Variants in PPFIA2 observed in about 807,000 individuals in gnomAD.
PPFIA2 encodes liprin-alpha-2.
In PPFIA2, 46 loss-of-function variants were observed where a neutral mutation model predicts 175.5. The observed-to-expected ratio is 0.26, with a 90% confidence interval of 0.21 to 0.34. PPFIA2 has a LOEUF of 0.34. Among genes scored for constraint, PPFIA2 ranks in the 10% least tolerant of loss-of-function variants. The pLI is 1.00. For missense variants in PPFIA2, 1,179 were observed against 1,506.1 expected, an observed-to-expected ratio of 0.78 and a Z score of 3.60; for synonymous variants, 568 against 511.4, an observed-to-expected ratio of 1.11 and a Z score of -1.49.
intron 4 of PPFIA2, among the ~76,000 whole-genome samples, chr12:81,469,739 T>C (rs1165454136): frequency 6.6e-6 from 1 of 152,250 alleles, no homozygotes; most frequent in Non-Finnish European, 1.5e-5. Flanking sequence ...ATGCTATGAC[T>C]GAATTGTGTC....
chr12:81,389,023 C>A (rs1057340594), intron 8 of PPFIA2, among the ~76,000 whole-genome samples: 1 of 151,668 alleles, frequency 6.6e-6, no homozygotes, highest in South Asian at 2.1e-4. Flanking sequence ...CACACAGATT[C>A]GCTGTTCTGG....
At chr12:81,418,036 T>A (rs1044487116) in intron 7 of PPFIA2, among the ~76,000 whole-genome samples, 1 of 151,850 alleles carries the variant, frequency 6.6e-6, no homozygotes, top group Non-Finnish European at 1.5e-5. Context: ...AGTTTTACGT[T>A]GTTTGAATGT....
intron 30 of PPFIA2, among the ~76,000 whole-genome samples, chr12:81,264,618 G>A (rs2036640333): frequency 6.6e-6 from 1 of 152,098 alleles, no homozygotes; most frequent in South Asian, 2.1e-4. Context: ...TATAAGGTAG[G>A]CTTTGTAGAC....
At chr12:81,528,968 T>A (rs1431869584) in intron 4 of PPFIA2, among the ~76,000 whole-genome samples, 1 of 152,104 alleles carries the variant, frequency 6.6e-6, no homozygotes, top group Non-Finnish European at 1.5e-5. Flanking sequence ...CAGTAAAATG[T>A]ATCATATTCT....
chr12:81,646,488 AATAGTCTATTGCTAGGGAAGGC>A (rs1212689583), intron 4 of PPFIA2, among the ~76,000 whole-genome samples: 1 of 152,162 alleles, frequency 6.6e-6, no homozygotes, highest in Non-Finnish European at 1.5e-5. Flanking sequence ...AGGAAGCCAC[AATAGTCTATTGCTAGGGAAGGC>A]ACAGGAATGC....
intron 4 of PPFIA2, among the ~76,000 whole-genome samples, chr12:81,499,243 TG>T (rs2060341331): frequency 6.6e-6 from 1 of 152,242 alleles, no homozygotes; most frequent in Admixed American, 6.5e-5. Context: ...CTATCTTTTA[TG>T]ACCAACCACT....
At chr12:81,544,497 G>A (rs953320617) in intron 4 of PPFIA2, among the ~76,000 whole-genome samples, 2 of 152,104 alleles carry the variant, frequency 1.3e-5, no homozygotes, top group African/African-American at 4.8e-5. Flanking sequence ...TTCCGGCATA[G>A]CTTTTGAATG....
chr12:81,380,345 C>T (rs1310481452), intron 9 of PPFIA2, among the ~76,000 whole-genome samples: 1 of 151,940 alleles, frequency 6.6e-6, no homozygotes, highest in African/African-American at 2.4e-5. Context: ...GCCTGGACAA[C>T]AGAGCAAGAC....
chr12:81,677,211 ATT>A (rs201413128), intron 3 of PPFIA2, among the ~76,000 whole-genome samples: 2 of 151,382 alleles, frequency 1.3e-5, no homozygotes, highest in African/African-American at 2.4e-5. Flanking sequence ...AAAATATTTA[ATT>A]TTTTTTTATT....
chr12:81,407,140 G>A (rs2043078474), intron 7 of PPFIA2, among the ~76,000 whole-genome samples: 1 of 152,114 alleles, frequency 6.6e-6, no homozygotes, highest in South Asian at 2.1e-4. Flanking sequence ...AAGCAGCCAG[G>A]TACATCTTTC....
intron 23 of PPFIA2, 71 bp downstream of exon 23, chr12:81,299,230 G>A (rs1233114810): frequency 2.8e-5 from 42 of 1,477,296 alleles, no homozygotes; most frequent in South Asian, 1.1e-4. Context: ...GAAACTTGCC[G>A]TTACCTGTCT....
At chr12:81,754,670 G>A (rs888694790) in intron 2 of PPFIA2, among the ~76,000 whole-genome samples, 2 of 152,072 alleles carry the variant, frequency 1.3e-5, no homozygotes, top group Admixed American at 6.6e-5. Flanking sequence ...GGCATTTAAC[G>A]GGTAGGAAGT....
intron 9 of PPFIA2, among the ~76,000 whole-genome samples, chr12:81,379,619 T>G (rs1420807652): frequency 2.0e-5 from 3 of 152,304 alleles, no homozygotes; most frequent in Admixed American, 6.5e-5. Flanking sequence ...ACTGGAGAGA[T>G]AATCCACTTG....
intron 4 of PPFIA2, among the ~76,000 whole-genome samples, chr12:81,622,295 C>T (rs2062140974): frequency 1.3e-5 from 2 of 152,180 alleles, no homozygotes; most frequent in African/African-American, 4.8e-5. Flanking sequence ...ACAACATGTG[C>T]TTGCAATTTG....
intron 3 of PPFIA2, among the ~76,000 whole-genome samples, chr12:81,689,356 G>T (rs1228313167): frequency 6.6e-6 from 1 of 151,870 alleles, no homozygotes; most frequent in Non-Finnish European, 1.5e-5. Context: ...ACAAGAAATA[G>T]CAAAAGAACA....
chr12:81,394,661 G>A (rs1270128309), intron 8 of PPFIA2, among the ~76,000 whole-genome samples: 2 of 151,890 alleles, frequency 1.3e-5, no homozygotes, highest in Non-Finnish European at 2.9e-5. Context: ...TCAGGGTGTT[G>A]GGGGCAAGGG....
intron 4 of PPFIA2, among the ~76,000 whole-genome samples, chr12:81,556,621 AATCAATAT>A (rs899259508): frequency 2.6e-5 from 4 of 152,040 alleles, no homozygotes; most frequent in African/African-American, 9.6e-5. Flanking sequence ...GCAAGTTTTT[AATCAATAT>A]TTTGATAGGT....
rs556980744 is a variant in PPFIA2, at chr12:81,642,822, A to G, written c.303+33969T>C. The stretch of plus-strand genomic sequence containing the variant: ...ATGTATGTATGTATTACATACATGT[A>G]TATGTATGTATGTATTACATACATA... On this transcript the variant is annotated intron_variant, in intron 4 of 32. Transcript: ENST00000549396. Among the ~76,000 whole-genome samples, 2 of 131,474 alleles carry G rather than the reference A, an allele frequency of 1.5e-5. 1 individual carries two copies. The highest frequency in any genetic ancestry group is 5.6e-5 in the African/African-American group (2 of 35,860). The allele number at this position is 131,474 out of a possible 152,430, so 86.3% of individuals were successfully genotyped here.
intron 2 of PPFIA2, among the ~76,000 whole-genome samples, chr12:81,757,660 A>C (rs2084897385): frequency 6.6e-6 from 1 of 151,354 alleles, no homozygotes; most frequent in Admixed American, 6.5e-5. Flanking sequence ...TTTCAAAATA[A>C]AAGTTTGAAT....
Sources: allele counts gnomAD v4.1 joint callset (sites outside exome capture counted in the v4.1 genomes callset), GRCh38; gene constraint gnomAD v4.1.1; transcripts MANE v1.5; gene names NCBI Gene and HGNC (gene_info 2026-07-23, HGNC 2026-07-21).